Variants in PLS3 observed in about 807,000 individuals in gnomAD.
PLS3 encodes plastin 3, also known as plastin-3.
A neutral mutation model predicts 46.5 loss-of-function variants in PLS3; 11 were observed. That is an observed-to-expected ratio of 0.24 (90% CI 0.15 to 0.39). PLS3 has a LOEUF of 0.39. Ranked by LOEUF, PLS3 falls within the 10% of genes least tolerant of loss-of-function variation. PLS3 has a pLI of 1.00. For missense variants in PLS3, 308 were observed against 461.8 expected, an observed-to-expected ratio of 0.67 and a Z score of 3.05; for synonymous variants, 167 against 162.2, an observed-to-expected ratio of 1.03 and a Z score of -0.22.
intron 3 of PLS3, among the ~76,000 whole-genome samples, chrX:115,624,028 G>C (rs781917918): frequency 1.2e-4 from 13 of 110,820 alleles, no homozygotes; most frequent in Admixed American, 6.7e-4. Flanking sequence ...AGAAGATCGA[G>C]GGCCATACTG....
intron 1 of PLS3, among the ~76,000 whole-genome samples, chrX:115,577,036 A>G (rs932661103): frequency 8.9e-6 from 1 of 112,171 alleles, no homozygotes; most frequent in African/African-American, 3.2e-5. Context: ...GGAGACCCAG[A>G]TTGTAGTAAT....
intron 2 of PLS3, 50 bp downstream of exon 2, chrX:115,610,373 T>C: frequency 3.1e-6 from 2 of 649,916 alleles, no homozygotes; most frequent in Non-Finnish European, 4.8e-6. Flanking sequence ...TTATTTGGTC[T>C]CAAAGTTATT....
rs189855458 is a variant in PLS3, at chrX:115,596,239, A to G, written c.-8-14004A>G. ...TATTTTGTTCACAGCTTTCTCCAAT[A>G]GAGTATGTGTTTTTAAAACCACGTG... is the stretch of plus-strand genomic sequence containing the variant. On this transcript the variant is annotated intron_variant, in intron 1 of 15. Coordinates refer to ENST00000355899, the MANE Select transcript of PLS3 (RefSeq NM_005032.7). 7.1e-5 allele frequency among the ~76,000 whole-genome samples: 8 copies of G among 112,013 alleles called. No homozygotes were observed. The Admixed American group carries it at 7.6e-4, about 11-fold the overall frequency.
intron 1 of PLS3, among the ~76,000 whole-genome samples, chrX:115,572,986 G>T (rs2074225328): frequency 1.9e-5 from 2 of 107,676 alleles, no homozygotes; most frequent in South Asian, 8.4e-4. Context: ...CCAGCTACTT[G>T]GGAGGCTGAG....
chrX:115,600,820 A>C (rs1158805405), intron 1 of PLS3, among the ~76,000 whole-genome samples: 2 of 111,262 alleles, frequency 1.8e-5, no homozygotes, highest in Non-Finnish European at 3.8e-5. Flanking sequence ...AGTCATTGGG[A>C]AACGTGCTTT....
intron 5 of PLS3, among the ~76,000 whole-genome samples, chrX:115,631,461 G>A (rs1326090826): frequency 9.0e-6 from 1 of 110,780 alleles, no homozygotes; most frequent in Non-Finnish European, 1.9e-5. Flanking sequence ...TGTAAGATAG[G>A]CTGGTCATGG....
At chrX:115,590,995 C>T (rs1392094905) in intron 1 of PLS3, among the ~76,000 whole-genome samples, 9 of 110,080 alleles carry the variant, frequency 8.2e-5, no homozygotes, top group African/African-American at 9.9e-5. Flanking sequence ...AAAAATTAGC[C>T]GGGCGTGGTG....
chrX:115,645,188 A>G, intron 11 of PLS3, 89 bp downstream of exon 11: 1 of 576,381 alleles, frequency 1.7e-6, no homozygotes, highest in Non-Finnish European at 2.9e-6. Flanking sequence ...CTAGATATTA[A>G]TTTGTAGCTA....
chrX:115,585,716 C>G (rs893586148), intron 1 of PLS3, among the ~76,000 whole-genome samples: 18 of 110,873 alleles, frequency 1.6e-4, no homozygotes, highest in African/African-American at 5.6e-4. Context: ...TGGAATTATT[C>G]AAATACATAA....
At chrX:115,644,891 G>A (rs1213375908) in intron 10 of PLS3, 130 bp from the exon 11 acceptor site, 2 of 433,287 alleles carry the variant, frequency 4.6e-6, no homozygotes, top group African/African-American at 5.0e-5. Context: ...AAGAATGCTT[G>A]GAAACTCGTA....
rs1245022674 is a variant in PLS3 at position 115,610,821 on chromosome X, G to T, written c.73+498G>T. The T allele has an allele frequency of 2.4e-5, 25 of 1,051,745 alleles. No homozygotes were observed. In the Admixed American group the frequency reaches 7.5e-4, roughly 31 times the overall value. The allele number at this position is 1,051,745 out of a possible 1,213,427, so 86.7% of individuals were successfully genotyped here. ...ACTGCAGATCGTTCTACCTCGCCAC[G>T]TTAAATTATAGCTTCAGTATAAGAT... On this transcript the variant is annotated intron_variant, in intron 2 of 15. Coordinates refer to ENST00000355899, the MANE Select transcript of PLS3 (RefSeq NM_005032.7).
chrX:115,611,029 A>G, intron 2 of PLS3: 1 of 438,195 alleles, frequency 2.3e-6, no homozygotes, highest in East Asian at 4.0e-5. Context: ...ACATGAATCA[A>G]CATGTGCTTA....
chrX:115,627,562 T>G (rs782140808), intron 3 of PLS3, among the ~76,000 whole-genome samples: 1 of 112,430 alleles, frequency 8.9e-6, no homozygotes, highest in Non-Finnish European at 1.9e-5. Context: ...AAGGCACAGT[T>G]GGACTAAAAA....
chrX:115,617,521 A>G (rs1041683414), intron 2 of PLS3, among the ~76,000 whole-genome samples: 5 of 112,047 alleles, frequency 4.5e-5, no homozygotes, highest in African/African-American at 1.3e-4. Flanking sequence ...TCTTTGGTCA[A>G]TTCCTGAGAA....
intron 10 of PLS3, 54 bp from the exon 11 acceptor site, chrX:115,644,967 G>A: frequency 1.4e-6 from 1 of 731,908 alleles, no homozygotes; most frequent in Non-Finnish European, 2.2e-6. Flanking sequence ...GGCACTATAT[G>A]CACATACATA....
intron 3 of PLS3, among the ~76,000 whole-genome samples, chrX:115,622,823 A>G (rs1556637843): frequency 1.8e-5 from 2 of 111,566 alleles, no homozygotes; most frequent in Non-Finnish European, 3.8e-5. Context: ...GAACTTTCTC[A>G]TTAAAAAGTT....
intron 15 of PLS3, among the ~76,000 whole-genome samples, chrX:115,648,316 C>T (rs2074972373): frequency 9.0e-6 from 1 of 111,636 alleles, no homozygotes; most frequent in African/African-American, 3.2e-5. Flanking sequence ...TCAGGTAAAA[C>T]TTTACAAGGA....
chrX:115,650,303 CAATT>C lies in PLS3; in HGVS notation c.*743_*746del, dbSNP rs1327819276. 3 of 111,544 alleles carry C rather than the reference CAATT, an allele frequency of 2.7e-5. No homozygotes were observed. The highest frequency in any genetic ancestry group is 5.7e-4 in the East Asian group (2 of 3,537). 9.2% of individuals were successfully genotyped at this position (111,544 alleles called of 1,213,427 possible). On this transcript the variant is annotated 3_prime_UTR_variant, in exon 16 of 16. Coordinates refer to ENST00000355899, the MANE Select transcript of PLS3 (RefSeq NM_005032.7). The stretch of plus-strand genomic sequence containing the variant: ...TTCCCTCTCATACCCAAGCTGTAAA[CAATT>C]GAAATATTTTGTCTTAAATCACTTG...
At chrX:115,577,528 A>G (rs782801025) in intron 1 of PLS3, among the ~76,000 whole-genome samples, 6 of 110,414 alleles carry the variant, frequency 5.4e-5, no homozygotes, top group Admixed American at 2.0e-4. Context: ...CCCAGGCTGG[A>G]GAGTAGTCCC....
Sources: allele counts gnomAD v4.1 joint callset (sites outside exome capture counted in the v4.1 genomes callset), GRCh38; gene constraint gnomAD v4.1.1; transcripts MANE v1.5; gene names NCBI Gene and HGNC (gene_info 2026-07-23, HGNC 2026-07-21).